Variants in SPTAN1 observed in about 807,000 individuals in gnomAD.
SPTAN1 encodes spectrin alpha chain, non-erythrocytic 1.
Under a neutral mutation model 331.3 loss-of-function variants are expected in SPTAN1, and 61 were observed. The observed-to-expected ratio is 0.18, with a 90% CI of 0.15 to 0.23. SPTAN1 has a LOEUF of 0.23. SPTAN1 is among the 10% of genes least tolerant of loss of function. The pLI is 1.00. For missense variants in SPTAN1, 2,043 were observed against 3,147.9 expected, an observed-to-expected ratio of 0.65 and a Z score of 8.40; for synonymous variants, 1,153 against 1,173.9, an observed-to-expected ratio of 0.98 and a Z score of 0.36.
chr9:128,609,164 G>A lies in SPTAN1; in HGVS notation c.4638G>A (p.Lys1546=). The A allele has an allele frequency of 6.2e-7, 1 of 1,614,198 alleles. No individual in the cohort carries two copies. Among genetic ancestry groups the A allele is most frequent in the Non-Finnish European group, 8.5e-7 (1 of 1,180,046 alleles). The change falls in exon 36 of 57, where the codon AAG becomes AAA. Residue 1546 remains lysine, a synonymous_variant. Transcript: ENST00000372739. ...CCCAGATGATTGAGAAAAGGTCAAA[G>A]CTAGGAGAATCTCAAACCCTCCAAC... is the stretch of plus-strand genomic sequence containing the variant. ...LKAQMIEKRS[K]LGESQTLQQF... is the part of the protein sequence containing the mutation.
chr9:128,606,507 AG>A (rs370762046), intron 31 of SPTAN1, among the ~76,000 whole-genome samples: 182 of 132,926 alleles, frequency 1.4e-3, no homozygotes, highest in African/African-American at 5.0e-3. Context: ...TGGGGGGGGA[AG>A]CGTTTCGCTT....
Position 128,592,988 on chromosome 9 carries a change from G to C in SPTAN1, c.3161G>C (p.Arg1054Pro), listed in dbSNP as rs561564501. Residue 1054 changes from arginine to proline, a missense_variant, in exon 23 of 57, where the codon CGC becomes CCC. Physicochemically the swap from Arg to Pro is moderately radical, Grantham distance 103 (BLOSUM62 -2). Around this residue, in one of 12 missense-constraint regions of SPTAN1, gnomAD observed 1,038 missense variants for 1,531.5 expected, o/e 0.68. Coordinates refer to ENST00000372739, the MANE Select transcript of SPTAN1 (RefSeq NM_001130438.3). ...GCTGTGCCCCCTCTGTGCAGGACACGCATAACTAAGGAGGCCGGCAGTGTA... is the reference window on the plus strand; with the variant it reads ...GCTGTGCCCCCTCTGTGCAGGACACCCATAACTAAGGAGGCCGGCAGTGTA... Reference protein sequence around the residue: ...LRQEQIDNQTRITKEAGSVSL... With the variant: ...LRQEQIDNQTPITKEAGSVSL... The C allele has an allele frequency of 2.5e-6, 4 of 1,607,312 alleles. No homozygotes were observed. The Admixed American group carries it at 5.1e-5, about 20-fold the overall frequency.
Position 128,629,267 on chromosome 9 carries a change from AC to A in SPTAN1, c.6708-1053del. 2.5e-6 allele frequency: 1 copy of A among 397,526 alleles called. No homozygotes were observed. Among genetic ancestry groups the A allele is most frequent in the East Asian group, 3.6e-5 (1 of 28,010 alleles). The allele number at this position is 397,526 out of a possible 1,614,324, so 24.6% of individuals were successfully genotyped here. ...GACATCCCCAGGCGGCTCCACCCTG[AC>A]TAACCTGCCGCCCTCGGCTGCTTGG... is the stretch of plus-strand genomic sequence containing the variant. On this transcript the variant is annotated intron_variant, in intron 51 of 56. Coordinates refer to ENST00000372739, the MANE Select transcript of SPTAN1 (RefSeq NM_001130438.3). The surrounding 1 kb of genome is among the most constrained non-coding windows in gnomAD (Gnocchi z 4.9).
chr9:128,620,444 C>T (rs544432822), intron 44 of SPTAN1, among the ~76,000 whole-genome samples: 8 of 152,166 alleles, frequency 5.3e-5, no homozygotes, highest in African/African-American at 1.4e-4. Flanking sequence ...GGGCCAGGTG[C>T]GGTGGCTCAC....
At chr9:128,596,303 G>GTC (rs1039054058) in intron 24 of SPTAN1, 1 of 150,672 alleles carries the variant, frequency 6.6e-6, no homozygotes, top group African/African-American at 2.5e-5. Context: ...TCGAGACAGA[G>GTC]TCTCTCTCTG....
At chr9:128,605,504 C>T (rs1855714738) in intron 31 of SPTAN1, 27 bp downstream of exon 31, 1 of 1,613,838 alleles carries the variant, frequency 6.2e-7, no homozygotes, top group East Asian at 2.2e-5. Flanking sequence ...ACTCAGACTT[C>T]TGGAACATAG....
At chr9:128,624,254 C>T in intron 45 of SPTAN1, 74 bp from the exon 46 acceptor site, 1 of 1,594,218 alleles carries the variant, frequency 6.3e-7, no homozygotes, top group Non-Finnish European at 8.6e-7. Context: ...AGTTTAGAGC[C>T]TTTCCAGGGA....
chr9:128,591,341 T>C (rs770681406), intron 21 of SPTAN1, 136 bp from the exon 22 acceptor site: 176 of 1,074,306 alleles, frequency 1.6e-4, no homozygotes, highest in Admixed American at 4.5e-4. Flanking sequence ...GCTGGGATTA[T>C]AGGTGTGAGC....
In SPTAN1 at chr9:128,607,798, C is replaced by T. The variant is rs41275898; in HGVS notation, c.4147-54C>T. 4.9e-3 allele frequency: 7,882 copies of T among 1,611,454 alleles called. 34 individuals are homozygous for T. The highest frequency in any genetic ancestry group is 8.2e-3 in the Middle Eastern group (47 of 5,698). On this transcript the variant is annotated intron_variant, in intron 32 of 56. Transcript: ENST00000372739. Reference sequence around the variant, plus strand: ...CCCTTTGTGGTGAGTCGGTGGTTGACGTCAGAGTGGGCATCTGCTGCCAGT... The same window carrying T: ...CCCTTTGTGGTGAGTCGGTGGTTGATGTCAGAGTGGGCATCTGCTGCCAGT...
At chr9:128,595,033 CT>C (rs1854079434) in intron 24 of SPTAN1, among the ~76,000 whole-genome samples, 1 of 151,826 alleles carries the variant, frequency 6.6e-6, no homozygotes, top group African/African-American at 2.4e-5. Context: ...TGGTCTCAAA[CT>C]GCTGACCTCA....
intron 1 of SPTAN1, among the ~76,000 whole-genome samples, chr9:128,559,149 C>T (rs1316041302): frequency 2.0e-5 from 3 of 152,126 alleles, no homozygotes; most frequent in South Asian, 2.1e-4. Flanking sequence ...CACCTACTGA[C>T]GTCAGCTGAT....
At position 128,566,774 on chromosome 9, in the gene SPTAN1, G is replaced by T. The variant is rs1203036448; in HGVS notation, c.34G>T (p.Ala12Ser). ...AAGTGGGGTCAAAGTGCTGGAAACA[G>T]CAGAGGACATCCAGGAGAGGCGGCA... Reference protein sequence around the residue: ...DPSGVKVLETAEDIQERRQQV... With the variant: ...DPSGVKVLETSEDIQERRQQV... Residue 12 changes from alanine (A) to serine (S), a missense_variant, in exon 2 of 57, where the codon GCA (alanine) becomes TCA (serine). Ala to Ser is a moderately conservative substitution (Grantham distance 99). This residue lies in a region of SPTAN1 where 1,038 missense variants were observed against 1,531.5 expected (regional missense o/e 0.68). Transcript: ENST00000372739. 1 of 1,614,110 alleles carries T rather than the reference G, an allele frequency of 6.2e-7. No homozygotes were observed. The highest frequency in any genetic ancestry group is 8.5e-7 in the Non-Finnish European group (1 of 1,180,050).
At chr9:128,555,119 T>C (rs1343373816) in intron 1 of SPTAN1, among the ~76,000 whole-genome samples, 1 of 152,196 alleles carries the variant, frequency 6.6e-6, no homozygotes. Flanking sequence ...CAGGGCAGCA[T>C]ATCTAGAAAG....
In SPTAN1 at chr9:128,625,828, C is replaced by T; in HGVS notation, c.6129C>T (p.Ala2043=). The T allele has an allele frequency of 6.2e-7, 1 of 1,614,152 alleles. No homozygotes were observed. Among genetic ancestry groups the T allele is most frequent in the Non-Finnish European group, 8.5e-7 (1 of 1,180,032 alleles). ...AGGAAGGCATTGCCAACATCACTGC[C>T]CTCAAAGATCAGCTTCTCGCCGCCA... is the stretch of plus-strand genomic sequence containing the variant. ...FQQEGIANIT[A]LKDQLLAAKH... The change falls in exon 48 of 57, where the codon GCC becomes GCT. Residue 2043 remains alanine, a synonymous_variant. Transcript: ENST00000372739. This position sits in a 1 kb window ranked among gnomAD's most constrained non-coding sequence, Gnocchi z 4.1.
At position 128,584,468 on chromosome 9, in the gene SPTAN1, G is replaced by C. The variant is rs1322499258; in HGVS notation, c.2380G>C (p.Glu794Gln). The C allele has an allele frequency of 6.2e-7, 1 of 1,614,066 alleles. No homozygotes were observed. Among genetic ancestry groups the C allele is most frequent in the Non-Finnish European group, 8.5e-7 (1 of 1,180,042 alleles). The change falls in exon 17 of 57, where the codon GAG (glutamate) becomes CAG (glutamine). Residue 794 changes from glutamate (E) to glutamine (Q), a missense_variant. Glu to Gln is a conservative substitution (Grantham distance 29). Transcript: ENST00000372739. Reference sequence around the variant, plus strand: ...GTTGCAGCAGCTCTTCCGGGATGTTGAGGATGAGGAGACGTGGATTCGAGA... The same window carrying C: ...GTTGCAGCAGCTCTTCCGGGATGTTCAGGATGAGGAGACGTGGATTCGAGA... The part of the protein sequence containing the change: ...LRLQQLFRDV[E>Q]DEETWIREKE...
intron 51 of SPTAN1, chr9:128,628,259 C>A: frequency 2.0e-6 from 1 of 493,508 alleles, no homozygotes; most frequent in Non-Finnish European, 3.9e-6. Flanking sequence ...CTAAGAACCC[C>A]CGTGCCTGTC....
chr9:128,595,370 A>C (rs968602128), intron 24 of SPTAN1, among the ~76,000 whole-genome samples: 3 of 152,128 alleles, frequency 2.0e-5, no homozygotes, highest in Non-Finnish European at 4.4e-5. Flanking sequence ...TCAGCTTCCC[A>C]AGGTGCTGGG....
Position 128,625,010 on chromosome 9 carries a change from C to A in SPTAN1, c.5993-93C>A. 1.6e-6 allele frequency: 2 copies of A among 1,225,810 alleles called. No individual in the cohort carries two copies. The highest frequency in any genetic ancestry group is 2.3e-5 in the East Asian group (1 of 43,048). The allele number at this position is 1,225,810 out of a possible 1,614,324, so 75.9% of individuals were successfully genotyped here. A position where few individuals can be genotyped will look rare whatever the true frequency, so the allele number is the denominator to read the frequency against. ...TTAGGAAGATTGGGATTTATCTGTA[C>A]ACAAAAAATGGTTTGTCTGGGTTTT... is the stretch of plus-strand genomic sequence containing the variant. On this transcript the variant is annotated intron_variant, in intron 46 of 56. Coordinates refer to ENST00000372739, the MANE Select transcript of SPTAN1 (RefSeq NM_001130438.3). The surrounding 1 kb of genome is among the most constrained non-coding windows in gnomAD (Gnocchi z 4.1).
In SPTAN1 at chr9:128,588,870, A is replaced by C; in HGVS notation, c.2933A>C (p.Tyr978Ser). The change falls in exon 21 of 57, where the codon TAT becomes TCT. Residue 978 changes from tyrosine (Y) to serine (S), a missense_variant. Physicochemically the swap from Tyr to Ser is moderately radical, Grantham distance 144. Around this residue, in one of 12 missense-constraint regions of SPTAN1, gnomAD observed 1,038 missense variants for 1,531.5 expected, o/e 0.68. Transcript: ENST00000372739. Reference protein sequence around the residue: ...GKELVLALYDYQEKSPREVTM... With the variant: ...GKELVLALYDSQEKSPREVTM... The stretch of plus-strand genomic sequence containing the variant: ...GAGCTGGTCTTGGCTCTCTACGACT[A>C]TCAGGAGAAGAGTCCCCGAGAGGTC... 6.2e-7 allele frequency: 1 copy of C among 1,614,178 alleles called. No individual in the cohort carries two copies. Among genetic ancestry groups the C allele is most frequent in the South Asian group, 1.1e-5 (1 of 91,080 alleles).
Sources: gnomAD v4.1 joint callset for allele counts (sites outside exome capture counted in the v4.1 genomes callset) on GRCh38, gnomAD v4.1.1 for gene constraint, gnomAD v4.1.1 regional missense constraint, Gnocchi (gnomAD v3.1) non-coding constraint, MANE v1.5 for transcripts, NCBI Gene and HGNC (gene_info 2026-07-23, HGNC 2026-07-21) for gene names.